Variants in RAD51B observed in about 807,000 individuals in gnomAD.
The protein encoded by RAD51B is RAD51 paralog B, also known as DNA repair protein RAD51 homolog 2.
A neutral mutation model predicts 42.2 loss-of-function variants in RAD51B; 38 were observed. The ratio of observed to expected loss-of-function variants is 0.90; its 90% CI spans 0.70 to 1.18. The LOEUF is 1.18. Among genes scored for constraint, RAD51B ranks in the 50% most tolerant of loss-of-function variants. The probability of loss-of-function intolerance (pLI) is 0.00; values close to 1 mark genes in which losing one functional copy is unlikely to be tolerated. For synonymous variants in RAD51B, 154 were observed against 145.2 expected, an observed-to-expected ratio of 1.06 and a Z score of -0.43; for missense variants, 373 against 400.7, an observed-to-expected ratio of 0.93 and a Z score of 0.59.
At chr14:68,477,046 A>G (rs1307001921) in intron 10 of RAD51B, among the ~76,000 whole-genome samples, 2 of 152,182 alleles carry the variant, frequency 1.3e-5, no homozygotes, top group Non-Finnish European at 1.5e-5. Context: ...GCCCTTCAAT[A>G]GGGAGGATAA....
At chr14:68,413,565 T>C (rs1157484560) in intron 9 of RAD51B, among the ~76,000 whole-genome samples, 4 of 152,150 alleles carry the variant, frequency 2.6e-5, no homozygotes, top group Non-Finnish European at 4.4e-5. Context: ...TCTATAGAAA[T>C]ATGCATGCCT....
chr14:67,838,451 TA>T (rs996628248), intron 4 of RAD51B, among the ~76,000 whole-genome samples: 7 of 151,068 alleles, frequency 4.6e-5, no homozygotes, highest in East Asian at 3.9e-4. Flanking sequence ...TATTTTAAAT[TA>T]AAAAAAAAGA....
chr14:68,366,611 A>C (rs1486691779), intron 8 of RAD51B, among the ~76,000 whole-genome samples: 2 of 152,248 alleles, frequency 1.3e-5, no homozygotes, highest in Non-Finnish European at 2.9e-5. Flanking sequence ...ATCCCACCAC[A>C]TCTTCCAGAT....
At chr14:68,004,353 A>AAAAAAAT (rs1555339649) in intron 7 of RAD51B, among the ~76,000 whole-genome samples, 2 of 146,696 alleles carry the variant, frequency 1.4e-5, no homozygotes, top group Non-Finnish European at 3.0e-5. Flanking sequence ...AAAAAAAAAA[A>AAAAAAAT]AAGAATATAT....
intron 7 of RAD51B, among the ~76,000 whole-genome samples, chr14:68,066,244 G>T (rs1323350923): frequency 2.0e-5 from 3 of 152,024 alleles, no homozygotes; most frequent in Non-Finnish European, 2.9e-5. Flanking sequence ...TAAAGAACAT[G>T]ATTTCATATA....
At chr14:68,331,633 C>T (rs766676893) in intron 8 of RAD51B, among the ~76,000 whole-genome samples, 19 of 152,048 alleles carry the variant, frequency 1.2e-4, no homozygotes, top group Admixed American at 6.6e-4. Context: ...TGGGCCACAT[C>T]GCTGAGACAG....
chr14:68,090,813 T>G (rs1390398515), intron 7 of RAD51B, among the ~76,000 whole-genome samples: 1 of 151,266 alleles, frequency 6.6e-6, no homozygotes, highest in African/African-American at 2.4e-5. Flanking sequence ...AACTTGTCAT[T>G]TAGCATTAGG....
intron 10 of RAD51B, among the ~76,000 whole-genome samples, chr14:68,605,475 A>G (rs1361482777): frequency 6.6e-6 from 1 of 152,256 alleles, no homozygotes; most frequent in African/African-American, 2.4e-5. Flanking sequence ...GGAGCCAGAC[A>G]TGACAATCTA....
intron 8 of RAD51B, among the ~76,000 whole-genome samples, chr14:68,327,293 T>A (rs1167947672): frequency 6.6e-6 from 1 of 152,140 alleles, no homozygotes; most frequent in East Asian, 1.9e-4. Context: ...CACATTTTTT[T>A]GGTGGAGAGG....
intron 7 of RAD51B, chr14:67,887,667 G>A (rs1331649948): frequency 1.3e-5 from 2 of 152,646 alleles, no homozygotes; most frequent in African/African-American, 2.4e-5. Flanking sequence ...GCTGTTTTGT[G>A]TACAATAGGA....
chr14:67,984,277 A>G (rs774251691), intron 7 of RAD51B, among the ~76,000 whole-genome samples: 5 of 152,160 alleles, frequency 3.3e-5, no homozygotes, highest in African/African-American at 4.8e-5. Flanking sequence ...CGTTCTTAGA[A>G]GTTATGTCAA....
intron 7 of RAD51B, among the ~76,000 whole-genome samples, chr14:68,178,028 G>T (rs73288074): frequency 0.014 from 2,192 of 152,190 alleles, 53 homozygotes; most frequent in African/African-American, 0.049. Context: ...ACGTTGAGCT[G>T]GTGACCATGC....
intron 7 of RAD51B, among the ~76,000 whole-genome samples, chr14:68,247,530 C>A (rs1357207216): frequency 6.6e-6 from 1 of 152,118 alleles, no homozygotes; most frequent in Non-Finnish European, 1.5e-5. Flanking sequence ...AGGCTCTGCC[C>A]ACAAGAAGGA....
chr14:68,575,811 G>C (rs753323542), intron 10 of RAD51B, among the ~76,000 whole-genome samples: 1 of 152,142 alleles, frequency 6.6e-6, no homozygotes, highest in Non-Finnish European at 1.5e-5. Flanking sequence ...TACCGTTTAG[G>C]GTAGTTTTTA....
intron 10 of RAD51B, among the ~76,000 whole-genome samples, chr14:68,500,163 C>T (rs150494817): frequency 1.3e-5 from 2 of 152,218 alleles, no homozygotes; most frequent in African/African-American, 4.8e-5. Flanking sequence ...TACTAAGGAC[C>T]AAGGAAGTTC....
At chr14:68,579,928 G>A (rs1413613968) in intron 10 of RAD51B, among the ~76,000 whole-genome samples, 1 of 152,244 alleles carries the variant, frequency 6.6e-6, no homozygotes, top group Non-Finnish European at 1.5e-5. Flanking sequence ...GCCCAGTCAA[G>A]CAAGGGCCCT....
chr14:67,900,300 A>C (rs2043566608), intron 7 of RAD51B, among the ~76,000 whole-genome samples: 1 of 152,180 alleles, frequency 6.6e-6, no homozygotes, highest in African/African-American at 2.4e-5. Flanking sequence ...CAGAATTGGC[A>C]AACTTGTAGC....
At chr14:67,906,123 T>C (rs1167886192) in intron 7 of RAD51B, among the ~76,000 whole-genome samples, 1 of 152,148 alleles carries the variant, frequency 6.6e-6, no homozygotes, top group African/African-American at 2.4e-5. Flanking sequence ...TGAATTTTAT[T>C]GAAAGCCTTT....
chr14:68,246,361 A>G (rs968162550), intron 7 of RAD51B, among the ~76,000 whole-genome samples: 3 of 152,206 alleles, frequency 2.0e-5, no homozygotes, highest in African/African-American at 7.2e-5. Flanking sequence ...AGGGGAAAGA[A>G]AAGGGCTAAA....
Sources: gnomAD v4.1 joint callset for allele counts (sites outside exome capture counted in the v4.1 genomes callset) on GRCh38, gnomAD v4.1.1 for gene constraint, MANE v1.5 for transcripts, NCBI Gene and HGNC (gene_info 2026-07-23, HGNC 2026-07-21) for gene names.